POU6F2: variants seen among roughly 807,000 people sequenced by gnomAD.
The protein encoded by POU6F2 is POU domain, class 6, transcription factor 2.
In POU6F2, 31 loss-of-function variants were observed where a neutral mutation model predicts 71.3. The observed-to-expected ratio is 0.43, with a 90% CI of 0.33 to 0.59. The LOEUF is 0.59. POU6F2 is among the 20% of genes least tolerant of loss of function. POU6F2 has a pLI of 0.04. For missense variants in POU6F2, 783 were observed against 856.8 expected, an observed-to-expected ratio of 0.91 and a Z score of 1.07; for synonymous variants, 347 against 355.7, an observed-to-expected ratio of 0.98 and a Z score of 0.27.
chr7:39,134,152 AG>A (rs1310926985), intron 2 of POU6F2, among the ~76,000 whole-genome samples: 4 of 152,200 alleles, frequency 2.6e-5, no homozygotes, highest in African/African-American at 9.6e-5. Flanking sequence ...CTGGTATTAC[AG>A]GCATGAGCCA....
intron 6 of POU6F2, among the ~76,000 whole-genome samples, chr7:39,419,690 A>T (rs1400437001): frequency 6.6e-6 from 1 of 152,210 alleles, no homozygotes; most frequent in African/African-American, 2.4e-5. Context: ...GGGTTGTTGT[A>T]AAAAGTAAAA....
chr7:39,177,555 T>A (rs1397338875), intron 2 of POU6F2, among the ~76,000 whole-genome samples: 1 of 152,236 alleles, frequency 6.6e-6, no homozygotes, highest in Non-Finnish European at 1.5e-5. Flanking sequence ...TTGTGTTGCA[T>A]TTCATCTACA....
At chr7:39,135,010 A>G (rs1435125223) in intron 2 of POU6F2, among the ~76,000 whole-genome samples, 1 of 136,752 alleles carries the variant, frequency 7.3e-6, no homozygotes, top group Non-Finnish European at 1.6e-5. Context: ...GAAAATGTAT[A>G]GACTGAAATA....
chr7:39,326,852 G>C (rs1387133887), intron 4 of POU6F2, among the ~76,000 whole-genome samples: 1 of 152,186 alleles, frequency 6.6e-6, no homozygotes, highest in Non-Finnish European at 1.5e-5. Context: ...CTAAGCCCCA[G>C]GTTGTCCTAG....
At chr7:38,992,631 G>A (rs564193221) in intron 1 of POU6F2, among the ~76,000 whole-genome samples, 11 of 152,258 alleles carry the variant, frequency 7.2e-5, no homozygotes, top group African/African-American at 1.4e-4. Context: ...ATGACCAAAG[G>A]AGCATGACTG....
intron 7 of POU6F2, among the ~76,000 whole-genome samples, chr7:39,446,952 G>A (rs555676410): frequency 9.9e-5 from 15 of 152,256 alleles, no homozygotes; most frequent in African/African-American, 2.2e-4. Context: ...ACAGTAGGGC[G>A]AATAAATAGA....
At chr7:38,990,743 T>C (rs1336156918) in intron 1 of POU6F2, among the ~76,000 whole-genome samples, 2 of 152,124 alleles carry the variant, frequency 1.3e-5, no homozygotes, top group Non-Finnish European at 2.9e-5. Context: ...CTCCTTTCAG[T>C]GATCACTCTG....
At chr7:39,420,340 A>G (rs1787824302) in intron 6 of POU6F2, among the ~76,000 whole-genome samples, 1 of 152,236 alleles carries the variant, frequency 6.6e-6, no homozygotes, top group Non-Finnish European at 1.5e-5. Flanking sequence ...AAATGAACAC[A>G]AAAGGAAATG....
intron 4 of POU6F2, among the ~76,000 whole-genome samples, chr7:39,269,064 C>G (rs1784299621): frequency 6.6e-6 from 1 of 152,026 alleles, no homozygotes; most frequent in Admixed American, 6.6e-5. Context: ...AAATTAGCTT[C>G]CTTTTATTTC....
chr7:39,379,717 G>A (rs759947454), intron 5 of POU6F2, among the ~76,000 whole-genome samples: 7 of 151,796 alleles, frequency 4.6e-5, no homozygotes, highest in Non-Finnish European at 1.0e-4. Context: ...ACAAATCCAG[G>A]GCTGGTTTCT....
At chr7:39,240,714 T>C (rs570213191) in intron 4 of POU6F2, among the ~76,000 whole-genome samples, 2 of 152,304 alleles carry the variant, frequency 1.3e-5, no homozygotes, top group African/African-American at 4.8e-5. Flanking sequence ...AGAATGACTA[T>C]TTTAATAATA....
intron 1 of POU6F2, among the ~76,000 whole-genome samples, chr7:38,991,616 C>T (rs181338250): frequency 6.6e-6 from 1 of 152,302 alleles, no homozygotes; most frequent in East Asian, 1.9e-4. Flanking sequence ...AAAGTATGTT[C>T]ACATGAAAAC....
intron 7 of POU6F2, among the ~76,000 whole-genome samples, chr7:39,448,220 T>C (rs1788570374): frequency 6.6e-6 from 1 of 152,204 alleles, no homozygotes. Context: ...GAGAGGTCAG[T>C]ATCTGGGCTG....
intron 2 of POU6F2, among the ~76,000 whole-genome samples, chr7:39,187,241 C>T (rs1187960868): frequency 1.3e-5 from 2 of 152,212 alleles, no homozygotes; most frequent in Non-Finnish European, 2.9e-5. Flanking sequence ...AATCCGCCCT[C>T]AGAGCCTGTG....
chr7:39,242,501 C>T (rs1783746500), intron 4 of POU6F2, among the ~76,000 whole-genome samples: 1 of 151,300 alleles, frequency 6.6e-6, no homozygotes, highest in African/African-American at 2.4e-5. Flanking sequence ...TATTTGTCTA[C>T]TCTGTATCTT....
intron 6 of POU6F2, among the ~76,000 whole-genome samples, chr7:39,424,664 A>T (rs2115988606): frequency 6.6e-6 from 1 of 152,328 alleles, no homozygotes; most frequent in African/African-American, 2.4e-5. Flanking sequence ...TTTTGATTAT[A>T]TTCAGGATCA....
intron 7 of POU6F2, among the ~76,000 whole-genome samples, chr7:39,446,645 C>T (rs1255541694): frequency 6.6e-6 from 1 of 152,176 alleles, no homozygotes; most frequent in African/African-American, 2.4e-5. Context: ...GCAGTGCCAA[C>T]CAGTAAAAAC....
intron 1 of POU6F2, among the ~76,000 whole-genome samples, chr7:39,005,425 C>T (rs1293905306): frequency 1.3e-5 from 2 of 149,340 alleles, no homozygotes; most frequent in Admixed American, 1.3e-4. Context: ...AGTAGGAAAA[C>T]GGAGGCTTTT....
chr7:39,240,713 A>G (rs371819875), intron 4 of POU6F2, among the ~76,000 whole-genome samples: 16 of 152,292 alleles, frequency 1.1e-4, no homozygotes, highest in African/African-American at 2.2e-4. Flanking sequence ...AAGAATGACT[A>G]TTTTAATAAT....
Sources: gnomAD v4.1 joint callset for allele counts (sites outside exome capture counted in the v4.1 genomes callset) on GRCh38, gnomAD v4.1.1 for gene constraint, MANE v1.5 for transcripts, NCBI Gene and HGNC (gene_info 2026-07-23, HGNC 2026-07-21) for gene names.